ZNF90: variants seen among roughly 807,000 people sequenced by gnomAD.
ZNF90 encodes zinc finger protein HTF9.
ZNF90 carries 11 observed loss-of-function variants against 12.0 expected under a neutral mutation model. That is an observed-to-expected ratio of 0.92 (90% CI 0.58 to 1.52). The LOEUF is 1.52. ZNF90 is among the 40% of genes most tolerant of loss of function. The pLI, the probability that ZNF90 is intolerant of heterozygous loss-of-function variation, is 0.00. For missense variants in ZNF90, 765 were observed against 711.5 expected (o/e 1.08, Z -0.86); for synonymous variants, 232 against 240.1 (o/e 0.97, Z 0.31).
chr19:20,100,704 A>G (rs2088982602), intron 1 of ZNF90, among the ~76,000 whole-genome samples: 1 of 152,192 alleles, frequency 6.6e-6, no homozygotes, highest in Non-Finnish European at 1.5e-5. Context: ...TGACTGAGAG[A>G]CAGGACTAAC....
intron 1 of ZNF90, among the ~76,000 whole-genome samples, chr19:20,084,560 C>T (rs1191749745): frequency 6.6e-5 from 10 of 152,150 alleles, no homozygotes; most frequent in African/African-American, 1.2e-4. Context: ...TGTGAGGAAT[C>T]GCCACACTGC....
chr19:20,084,249 G>T (rs1189721862), intron 1 of ZNF90, among the ~76,000 whole-genome samples: 3 of 151,756 alleles, frequency 2.0e-5, no homozygotes, highest in African/African-American at 7.3e-5. Flanking sequence ...TAGAGACGGG[G>T]TTTCACCATA....
In ZNF90 at chr19:20,121,159, TA is replaced by T. The variant is rs1269744754; in HGVS notation, c.*1805del. Reference sequence around the variant, plus strand: ...TTTTATGTAATAAAATACACTACATTAAAAAATTGTTAGATTGTGTGTGAAG... The same window carrying T: ...TTTTATGTAATAAAATACACTACATTAAAAATTGTTAGATTGTGTGTGAAG... On this transcript the variant is annotated 3_prime_UTR_variant, in exon 4 of 4. Coordinates refer to ENST00000418063, the MANE Select transcript of ZNF90 (RefSeq NM_007138.2). 5 of 217,582 alleles carry T rather than the reference TA, an allele frequency of 2.3e-5. No homozygotes were observed. The highest frequency in any genetic ancestry group is 4.7e-5 in the South Asian group (1 of 21,208). The allele number at this position is 217,582 out of a possible 1,614,324, so 13.5% of individuals were successfully genotyped here. A position where few individuals can be genotyped will look rare whatever the true frequency, so the allele number is the denominator to read the frequency against.
chr19:20,084,512 G>A (rs1343187318), intron 1 of ZNF90, among the ~76,000 whole-genome samples: 2 of 152,078 alleles, frequency 1.3e-5, no homozygotes, highest in African/African-American at 4.8e-5. Flanking sequence ...ACCCAGTTGT[G>A]GGGCTCCTGG....
Position 20,104,431 on chromosome 19 carries a change from A to G in ZNF90, c.130+66A>G, listed in dbSNP as rs1314411542. The G allele has an allele frequency of 5.3e-6, 8 of 1,521,344 alleles. No homozygotes were observed. The East Asian group carries it at 1.9e-4, about 35-fold the overall frequency. The allele number at this position is 1,521,344 out of a possible 1,614,324, so 94.2% of individuals were successfully genotyped here. ...AGGTTGTTTTTATGTTTTTTTGTGG[A>G]ATGATTTTTAGTAATGTATTGTTTG... On this transcript the variant is annotated intron_variant, in intron 2 of 3. Coordinates refer to ENST00000418063, the MANE Select transcript of ZNF90 (RefSeq NM_007138.2).
Position 20,118,073 on chromosome 19 carries a change from C to T in ZNF90, c.519C>T (p.Phe173=), listed in dbSNP as rs138427736. Residue 173 remains phenylalanine (F), a synonymous_variant, in exon 4 of 4, where the codon TTC becomes TTT. Coordinates refer to ENST00000418063, the MANE Select transcript of ZNF90 (RefSeq NM_007138.2). The part of the protein sequence containing the change: ...HKIRDTGKKP[F]KCIECGKAFN... ...TAAGAGATACTGGAAAAAAACCTTT[C>T]AAATGTATAGAATGTGGCAAAGCTT... is the stretch of plus-strand genomic sequence containing the variant. 8 of 1,613,014 alleles carry T rather than the reference C, an allele frequency of 5.0e-6. No homozygotes were observed. In the African/African-American group the frequency reaches 9.3e-5, roughly 19 times the overall value.
chr19:20,110,467 A>G (rs1451157586), intron 3 of ZNF90, among the ~76,000 whole-genome samples: 5 of 151,966 alleles, frequency 3.3e-5, no homozygotes, highest in African/African-American at 7.3e-5. Flanking sequence ...TTTGGTAGAG[A>G]CGGGGCCAGG....
intron 1 of ZNF90, among the ~76,000 whole-genome samples, chr19:20,078,948 C>T (rs889711561): frequency 6.6e-6 from 1 of 151,862 alleles, no homozygotes; most frequent in Non-Finnish European, 1.5e-5. Flanking sequence ...GGTGAAACCT[C>T]TCTCTACTAA....
At chr19:20,112,837 A>G (rs1300932779) in intron 3 of ZNF90, among the ~76,000 whole-genome samples, 1 of 151,878 alleles carries the variant, frequency 6.6e-6, no homozygotes, top group Non-Finnish European at 1.5e-5. Flanking sequence ...CCTATATTCT[A>G]AGATTTCTTT....
intron 1 of ZNF90, among the ~76,000 whole-genome samples, chr19:20,079,136 AAG>A (rs1555701408): frequency 6.6e-6 from 1 of 150,610 alleles, no homozygotes; most frequent in Non-Finnish European, 1.5e-5. Context: ...AAAAAAAAAA[AAG>A]TAAGCATCTT....
At chr19:20,107,019 T>C (rs549200630) in intron 3 of ZNF90, 101 of 454,384 alleles carry the variant, frequency 2.2e-4, no homozygotes, top group Non-Finnish European at 4.1e-4. Context: ...GGTCTGCATA[T>C]GGTGGGCCTT....
At chr19:20,106,595 A>G (rs1440440014) in intron 3 of ZNF90, among the ~76,000 whole-genome samples, 2 of 152,160 alleles carry the variant, frequency 1.3e-5, no homozygotes, top group Non-Finnish European at 2.9e-5. Context: ...CTGGGACTAC[A>G]GGCACCCGCC....
At chr19:20,108,990 TG>T (rs1309905604) in intron 3 of ZNF90, among the ~76,000 whole-genome samples, 7 of 152,180 alleles carry the variant, frequency 4.6e-5, no homozygotes, top group Non-Finnish European at 1.0e-4. Flanking sequence ...CCCAAAGTGC[TG>T]GGATTACAGT....
chr19:20,117,937 G>T lies in ZNF90; in HGVS notation c.383G>T (p.Arg128Ile), dbSNP rs781915359. ...GTGGATGAGGGTAAAGTACACAAAA[G>T]AGGTTATAATGGACTTAACCAATGT... The part of the protein sequence containing the change: ...ESVDEGKVHK[R>I]GYNGLNQCLT... The change falls in exon 4 of 4, where the codon AGA becomes ATA. Residue 128 changes from arginine (R) to isoleucine (I), a missense_variant. Coordinates refer to ENST00000418063, the MANE Select transcript of ZNF90 (RefSeq NM_007138.2). 2 of 1,613,512 alleles carry T rather than the reference G, an allele frequency of 1.2e-6. No individual in the cohort carries two copies. The highest frequency in any genetic ancestry group is 1.7e-6 in the Non-Finnish European group (2 of 1,179,792).
At chr19:20,082,781 TAGTAA>T (rs1269175462) in intron 1 of ZNF90, among the ~76,000 whole-genome samples, 2 of 152,138 alleles carry the variant, frequency 1.3e-5, no homozygotes, top group Non-Finnish European at 2.9e-5. Context: ...TGAGGAGGAT[TAGTAA>T]AAGAGAAAGT....
At chr19:20,085,898 A>G (rs1399917254) in intron 1 of ZNF90, among the ~76,000 whole-genome samples, 1 of 151,872 alleles carries the variant, frequency 6.6e-6, no homozygotes, top group African/African-American at 2.4e-5. Context: ...TATTTTTTTC[A>G]TTTTTAGTCC....
intron 1 of ZNF90, chr19:20,080,384 C>T (rs933964443): frequency 1.2e-5 from 5 of 423,828 alleles, no homozygotes; most frequent in African/African-American, 6.3e-5. Context: ...CGTATTTCTT[C>T]TTACCTCCCC....
chr19:20,104,708 A>C (rs1454314057), intron 2 of ZNF90, among the ~76,000 whole-genome samples: 1 of 152,178 alleles, frequency 6.6e-6, no homozygotes, highest in Non-Finnish European at 1.5e-5. Flanking sequence ...AAACCTACAA[A>C]TTAGGACAAG....
Position 20,102,330 on chromosome 19 carries a change from ACT to A in ZNF90, c.4-1908_4-1907del, listed in dbSNP as rs1321797358. Among the ~76,000 whole-genome samples, 6 of 152,158 alleles carry A rather than the reference ACT, an allele frequency of 3.9e-5. No individual in the cohort carries two copies. The East Asian group carries it at 1.2e-3, about 29-fold the overall frequency. The stretch of plus-strand genomic sequence containing the variant: ...GTCCTGAGTCACTCCTACTCACCTG[ACT>A]TATACCCATCCTTCCTGCTGACTAT... On this transcript the variant is annotated intron_variant, in intron 1 of 3. Transcript: ENST00000418063.
Sources: allele counts gnomAD v4.1 joint callset (sites outside exome capture counted in the v4.1 genomes callset), GRCh38; gene constraint gnomAD v4.1.1; transcripts MANE v1.5; gene names NCBI Gene and HGNC (gene_info 2026-07-23, HGNC 2026-07-21).